The following STIM2 variants were observed in gnomAD, a reference collection of about 807,000 sequenced individuals.
The protein encoded by STIM2 is stromal interaction molecule 2.
Under a neutral mutation model 85.8 loss-of-function variants are expected in STIM2, and 31 were observed. That is an observed-to-expected ratio of 0.36 (90% CI 0.27 to 0.49). STIM2 has a LOEUF of 0.49. Among genes scored for constraint, STIM2 ranks in the 20% least tolerant of loss-of-function variants. The pLI is 0.98. For missense variants in STIM2, 841 were observed against 927.6 expected (o/e 0.91, Z 1.21); for synonymous variants, 356 against 331.1 (o/e 1.08, Z -0.82).
chr4:26,975,956 G>A (rs1236095530), intron 3 of STIM2, among the ~76,000 whole-genome samples: 1 of 152,172 alleles, frequency 6.6e-6, no homozygotes, highest in Non-Finnish European at 1.5e-5. Context: ...CTCAGCAATG[G>A]CACACACCCC....
chr4:26,880,316 A>T (rs542712575), intron 1 of STIM2, among the ~76,000 whole-genome samples: 30 of 151,946 alleles, frequency 2.0e-4, no homozygotes, highest in Non-Finnish European at 3.7e-4. Flanking sequence ...GTATTTTTTC[A>T]GGACTTTTTT....
intron 1 of STIM2, chr4:26,873,552 C>G (rs1722707289): frequency 4.8e-6 from 2 of 417,758 alleles, no homozygotes; most frequent in Non-Finnish European, 9.0e-6. Context: ...ACTACTTTGT[C>G]CAGGAAGCTC....
intron 2 of STIM2, among the ~76,000 whole-genome samples, chr4:26,930,654 A>G (rs1426936204): frequency 6.6e-6 from 1 of 152,200 alleles, no homozygotes; most frequent in Non-Finnish European, 1.5e-5. Flanking sequence ...TTAACAACAC[A>G]GATGTGTCTG....
intron 7 of STIM2, among the ~76,000 whole-genome samples, chr4:27,005,248 T>C (rs1160581118): frequency 1.3e-5 from 2 of 152,234 alleles, no homozygotes; most frequent in African/African-American, 4.8e-5. Context: ...ACAGAGACTT[T>C]GGGTGACTAA....
intron 10 of STIM2, among the ~76,000 whole-genome samples, chr4:27,016,452 A>T (rs1427682635): frequency 6.6e-6 from 1 of 152,176 alleles, no homozygotes; most frequent in Non-Finnish European, 1.5e-5. Flanking sequence ...TGCTTCTGGC[A>T]GTAGTTTCAA....
chr4:26,948,261 T>C (rs1725919075), intron 2 of STIM2, among the ~76,000 whole-genome samples: 2 of 152,170 alleles, frequency 1.3e-5, no homozygotes, highest in African/African-American at 4.8e-5. Context: ...GAGCTTATTT[T>C]TTCCAGGTGT....
At chr4:26,869,030 T>TA (rs1389449509) in intron 1 of STIM2, among the ~76,000 whole-genome samples, 4 of 151,940 alleles carry the variant, frequency 2.6e-5, no homozygotes, top group African/African-American at 9.7e-5. Flanking sequence ...CGCTGTAGCT[T>TA]ATGCCTGTAA....
intron 2 of STIM2, 50 bp downstream of exon 2, chr4:26,919,684 C>T (rs1450147641): frequency 6.3e-7 from 1 of 1,583,524 alleles, no homozygotes; most frequent in South Asian, 1.2e-5. Context: ...AGAATGACTG[C>T]ATTTCTGTTT....
chr4:26,861,656 C>A, intron 1 of STIM2: 1 of 288,892 alleles, frequency 3.5e-6, no homozygotes, highest in Non-Finnish European at 6.2e-6. Context: ...CTCTTTCGTG[C>A]TGCAGAAGTG....
chr4:26,873,880 C>T, intron 1 of STIM2: 3 of 1,290,754 alleles, frequency 2.3e-6, no homozygotes, highest in Non-Finnish European at 2.2e-6. Context: ...GGCAGTGATG[C>T]TCCTTCTCCC....
intron 1 of STIM2, among the ~76,000 whole-genome samples, chr4:26,908,641 G>A (rs1314648623): frequency 6.6e-6 from 1 of 152,090 alleles, no homozygotes; most frequent in Non-Finnish European, 1.5e-5. Context: ...ATGCTACCAC[G>A]CCCGGCTCAT....
At chr4:27,021,736 TTTAG>T (rs1480093289) in intron 11 of STIM2, 2 of 420,806 alleles carry the variant, frequency 4.8e-6, no homozygotes, top group African/African-American at 4.0e-5. Flanking sequence ...GTTGCAATCA[TTTAG>T]TTGAGTTCCT....
intron 10 of STIM2, among the ~76,000 whole-genome samples, chr4:27,011,885 T>A (rs748155608): frequency 1.3e-5 from 2 of 152,160 alleles, no homozygotes; most frequent in Non-Finnish European, 2.9e-5. Context: ...TGGCAAATTG[T>A]GAATCTGATT....
intron 3 of STIM2, among the ~76,000 whole-genome samples, chr4:26,967,561 C>T (rs374572029): frequency 7.9e-4 from 120 of 152,274 alleles, no homozygotes; most frequent in African/African-American, 2.8e-3. Flanking sequence ...CTGAATAATT[C>T]TTCATTTAGG....
At chr4:26,994,491 A>G (rs564169881) in intron 3 of STIM2, among the ~76,000 whole-genome samples, 5 of 152,190 alleles carry the variant, frequency 3.3e-5, no homozygotes, top group African/African-American at 1.2e-4. Flanking sequence ...CTGTCTAGGC[A>G]ATTATATAAG....
intron 5 of STIM2, among the ~76,000 whole-genome samples, chr4:26,999,971 A>G (rs1368640302): frequency 6.6e-6 from 1 of 152,098 alleles, no homozygotes; most frequent in Non-Finnish European, 1.5e-5. Context: ...GAAATTTAAT[A>G]TGTTTGTTTT....
At chr4:26,918,730 G>GT (rs1231202939) in intron 1 of STIM2, among the ~76,000 whole-genome samples, 1 of 152,162 alleles carries the variant, frequency 6.6e-6, no homozygotes, top group Non-Finnish European at 1.5e-5. Context: ...TGCACAGGAA[G>GT]TAATTTCCAT....
chr4:26,968,072 G>A (rs192339236), intron 3 of STIM2, among the ~76,000 whole-genome samples: 9 of 152,278 alleles, frequency 5.9e-5, no homozygotes, highest in Admixed American at 1.3e-4. Context: ...ACAGGAGGCT[G>A]AGGCAGGAGG....
chr4:27,000,001 A>G (rs981732112), intron 5 of STIM2, among the ~76,000 whole-genome samples: 1 of 152,138 alleles, frequency 6.6e-6, no homozygotes, highest in African/African-American at 2.4e-5. Flanking sequence ...CAATTTTTTC[A>G]GAAAGCTTTG....
Sources: gnomAD v4.1 joint callset for allele counts (sites outside exome capture counted in the v4.1 genomes callset) on GRCh38, gnomAD v4.1.1 for gene constraint, MANE v1.5 for transcripts, NCBI Gene and HGNC (gene_info 2026-07-23, HGNC 2026-07-21) for gene names.